MYT1L: variants seen among roughly 807,000 people sequenced by gnomAD.
The protein encoded by MYT1L is myelin transcription factor 1-like protein.
MYT1L carries 12 observed loss-of-function variants against 126.7 expected under a neutral mutation model. That is an observed-to-expected ratio of 0.09 (90% CI 0.06 to 0.15). The LOEUF (loss-of-function observed/expected upper bound fraction) is 0.15. Ranked by LOEUF, MYT1L falls within the 10% of genes least tolerant of loss-of-function variation. The probability of loss-of-function intolerance (pLI) is 1.00; values close to 1 mark genes in which losing one functional copy is unlikely to be tolerated. For missense variants in MYT1L, 979 were observed against 1,585.2 expected (o/e 0.62, Z 6.49); for synonymous variants, 541 against 604.2 (o/e 0.90, Z 1.53).
At chr2:1,996,471 G>T (rs1246205123) in intron 5 of MYT1L, among the ~76,000 whole-genome samples, 2 of 150,976 alleles carry the variant, frequency 1.3e-5, no homozygotes, top group Admixed American at 1.3e-4. Context: ...CCCTGCCTCA[G>T]TGTGGGCTGC....
chr2:2,039,518 C>T (rs189736691), intron 4 of MYT1L, among the ~76,000 whole-genome samples: 18 of 152,176 alleles, frequency 1.2e-4, no homozygotes, highest in African/African-American at 4.1e-4. Context: ...GGGAAGTTTA[C>T]CATTTGCAGG....
At chr2:2,321,789 C>A (rs2096171852) in intron 1 of MYT1L, among the ~76,000 whole-genome samples, 1 of 152,136 alleles carries the variant, frequency 6.6e-6, no homozygotes, top group African/African-American at 2.4e-5. Flanking sequence ...TTGAAAATTT[C>A]TCAAGCAAGT....
intron 2 of MYT1L, among the ~76,000 whole-genome samples, chr2:2,190,456 AT>A (rs5828867): frequency 0.79 from 117,998 of 149,166 alleles, 47,393 homozygotes; most frequent in African/African-American, 0.95. Context: ...CTGTATGCCT[AT>A]TTTTTTTTTC....
At chr2:2,321,548 C>A (rs181268519) in intron 1 of MYT1L, among the ~76,000 whole-genome samples, 1 of 152,136 alleles carries the variant, frequency 6.6e-6, no homozygotes, top group South Asian at 2.1e-4. Flanking sequence ...GGTGTGGTAG[C>A]CCCTGGAGTC....
intron 2 of MYT1L, among the ~76,000 whole-genome samples, chr2:2,181,654 G>C (rs2091546648): frequency 6.6e-6 from 1 of 152,288 alleles, no homozygotes; most frequent in African/African-American, 2.4e-5. Context: ...GAAGCGCTTT[G>C]TCTTCCCGGA....
Position 1,903,136 on chromosome 2 carries a change from C to A in MYT1L, c.1976G>T (p.Arg659Leu), listed in dbSNP as rs199822415. The change falls in exon 14 of 25, where the codon CGA becomes CTA. Residue 659 changes from arginine to leucine, a missense_variant. Physicochemically the swap from Arg to Leu is moderately radical, Grantham distance 102 (BLOSUM62 -2). This residue lies in a region of MYT1L where 82 missense variants were observed against 177.2 expected (regional missense o/e 0.46). Coordinates refer to ENST00000647738, the MANE Select transcript of MYT1L (RefSeq NM_001303052.2). ...GGTTTGCACCTTGGGAGCTATGGCT[C>A]GCTTGCCATAAGTATGGTTGTCGTA... ...NSYDNHTYGK[R>L]AIAPKVQTRD... The A allele has an allele frequency of 6.2e-7, 1 of 1,614,000 alleles. No homozygotes were observed. Among genetic ancestry groups the A allele is most frequent in the African/African-American group, 1.3e-5 (1 of 75,048 alleles).
chr2:1,948,692 T>TGAGCC (rs2057462217), intron 8 of MYT1L, among the ~76,000 whole-genome samples: 4 of 98,988 alleles, frequency 4.0e-5, no homozygotes, highest in African/African-American at 1.6e-4. Context: ...AGTGAAGGGC[T>TGAGCC]CAGCCCAGGA....
At chr2:2,055,011 G>T (rs2069324446) in intron 3 of MYT1L, among the ~76,000 whole-genome samples, 1 of 152,160 alleles carries the variant, frequency 6.6e-6, no homozygotes, top group South Asian at 2.1e-4. Flanking sequence ...AGGGATGGTG[G>T]TGACAACAAC....
chr2:1,923,630 T>C (rs2053851304), intron 9 of MYT1L, among the ~76,000 whole-genome samples: 1 of 152,264 alleles, frequency 6.6e-6, no homozygotes, highest in Non-Finnish European at 1.5e-5. Context: ...CAGATGTGTA[T>C]TAACTGTGCT....
intron 10 of MYT1L, among the ~76,000 whole-genome samples, chr2:1,920,759 T>C (rs2053465039): frequency 6.6e-6 from 1 of 152,244 alleles, no homozygotes; most frequent in South Asian, 2.1e-4. Context: ...GATGGCACTA[T>C]AATTTTAAAC....
chr2:2,062,903 C>T (rs1468429023), intron 3 of MYT1L, among the ~76,000 whole-genome samples: 1 of 149,306 alleles, frequency 6.7e-6, no homozygotes, highest in South Asian at 2.1e-4. Context: ...GTGACATATC[C>T]TTCAGCTTTT....
chr2:2,082,160 T>C (rs924333524), intron 3 of MYT1L, among the ~76,000 whole-genome samples: 1 of 152,176 alleles, frequency 6.6e-6, no homozygotes, highest in Non-Finnish European at 1.5e-5. Context: ...TACATACATA[T>C]ACAAAGAACT....
At chr2:2,099,097 T>C (rs1465707856) in intron 3 of MYT1L, among the ~76,000 whole-genome samples, 2 of 152,192 alleles carry the variant, frequency 1.3e-5, no homozygotes, top group Non-Finnish European at 1.5e-5. Context: ...AGATCAGCCC[T>C]GCCTGCTTCT....
intron 2 of MYT1L, among the ~76,000 whole-genome samples, chr2:2,180,273 T>C (rs1018513291): frequency 6.6e-6 from 1 of 152,040 alleles, no homozygotes; most frequent in Non-Finnish European, 1.5e-5. Flanking sequence ...GTTTATTACT[T>C]GGTGAATTCT....
intron 21 of MYT1L, among the ~76,000 whole-genome samples, chr2:1,831,240 A>G (rs1323671992): frequency 4.0e-5 from 6 of 151,660 alleles, no homozygotes; most frequent in African/African-American, 1.2e-4. Context: ...CTCTGCTCTG[A>G]GGACCCCCAG....
chr2:2,262,759 A>T (rs2149289635), intron 2 of MYT1L, among the ~76,000 whole-genome samples: 1 of 150,782 alleles, frequency 6.6e-6, no homozygotes, highest in African/African-American at 2.4e-5. Context: ...AGCTGGTTGG[A>T]GCTTTTCTAG....
At chr2:2,096,604 G>A (rs1477861511) in intron 3 of MYT1L, among the ~76,000 whole-genome samples, 2 of 152,172 alleles carry the variant, frequency 1.3e-5, no homozygotes, top group Non-Finnish European at 2.9e-5. Flanking sequence ...ACACCCCCTT[G>A]TCTATTCTGA....
chr2:2,103,112 T>C (rs541092112), intron 3 of MYT1L, among the ~76,000 whole-genome samples: 2 of 152,102 alleles, frequency 1.3e-5, no homozygotes, highest in Non-Finnish European at 2.9e-5. Flanking sequence ...CATGCTTACA[T>C]GTGCCAGAGA....
intron 2 of MYT1L, among the ~76,000 whole-genome samples, chr2:2,211,346 AT>A (rs2093498305): frequency 6.6e-6 from 1 of 152,182 alleles, no homozygotes; most frequent in African/African-American, 2.4e-5. Context: ...TTTTAAAGTA[AT>A]TCTTTCTTAC....
Sources: allele counts gnomAD v4.1 joint callset (sites outside exome capture counted in the v4.1 genomes callset), GRCh38; gene constraint gnomAD v4.1.1; regional missense constraint gnomAD v4.1.1; transcripts MANE v1.5; gene names NCBI Gene and HGNC (gene_info 2026-07-23, HGNC 2026-07-21).